The following NCMAP variants were observed in gnomAD, a reference collection of about 807,000 sequenced individuals.
NCMAP encodes noncompact myelin-associated protein.
Under a neutral mutation model 7.8 loss-of-function variants are expected in NCMAP, and 8 were observed. The observed-to-expected ratio is 1.02, with a 90% CI of 0.60 to 1.84. NCMAP has a LOEUF of 1.84. NCMAP is among the 40% of genes most tolerant of loss of function. The pLI is 0.00. For synonymous variants in NCMAP, 41 were observed against 52.9 expected, an observed-to-expected ratio of 0.78 and a Z score of 0.98; for missense variants, 112 against 131.4, an observed-to-expected ratio of 0.85 and a Z score of 0.72.
At position 24,574,108 on chromosome 1, in the gene NCMAP, T is replaced by C. The variant is rs1325670517; in HGVS notation, c.-8+17939T>C. On this transcript the variant is annotated intron_variant, in intron 1 of 3. Coordinates refer to ENST00000374392, the MANE Select transcript of NCMAP (RefSeq NM_001010980.5). ...CAGCGGCCCCCAGGTGCTTAAGCCT[T>C]CAGTCTGGGACTGAGAGGGGTTTTT... Among the ~76,000 whole-genome samples the C allele has an allele frequency of 2.1e-5, 3 of 145,890 alleles. 1 individual carries two copies. The highest frequency in any genetic ancestry group is 8.0e-5 in the African/African-American group (3 of 37,568).
intron 1 of NCMAP, among the ~76,000 whole-genome samples, chr1:24,567,773 G>A (rs1399563205): frequency 6.6e-6 from 1 of 152,114 alleles, no homozygotes; most frequent in Non-Finnish European, 1.5e-5. Flanking sequence ...GGAAGAAGTG[G>A]AGGACATTCC....
intron 1 of NCMAP, among the ~76,000 whole-genome samples, chr1:24,578,475 G>T: frequency 6.8e-6 from 1 of 147,920 alleles, no homozygotes; most frequent in Non-Finnish European, 1.5e-5. Context: ...AGTGGGGTGG[G>T]AGGGAGGGTA....
At position 24,565,943 on chromosome 1, in the gene NCMAP, T is replaced by C. The variant is rs578141599; in HGVS notation, c.-8+9774T>C. 2.0e-5 allele frequency among the ~76,000 whole-genome samples: 3 copies of C among 152,218 alleles called. No homozygotes were observed. The East Asian group carries it at 5.8e-4, about 29-fold the overall frequency. ...GGTGGTTTCCTCCATGCTGTTCTCG[T>C]GATAGAGTGAGTTCTCATGAGATCT... On this transcript the variant is annotated intron_variant, in intron 1 of 3. Coordinates refer to ENST00000374392, the MANE Select transcript of NCMAP (RefSeq NM_001010980.5).
chr1:24,558,765 G>C (rs771045476), intron 1 of NCMAP, among the ~76,000 whole-genome samples: 7 of 152,188 alleles, frequency 4.6e-5, no homozygotes, highest in African/African-American at 7.2e-5. Context: ...TCAGGGTCAC[G>C]TAGAGTTGGG....
rs112158378 is a variant in NCMAP, at chr1:24,604,559, AG to A, written c.168-1044del. On this transcript the variant is annotated intron_variant, in intron 3 of 3. Coordinates refer to ENST00000374392, the MANE Select transcript of NCMAP (RefSeq NM_001010980.5). ...CCACTGCACTTCAGCCTGGGCAACC[AG>A]GGTAAGACTGTCTAAAAAAAAAAAA... 5.7e-4 allele frequency among the ~76,000 whole-genome samples: 61 copies of A among 106,402 alleles called. 9 individuals carry two copies. Among genetic ancestry groups the A allele is most frequent in the African/African-American group, 2.6e-3 (57 of 21,572 alleles). The allele number at this position is 106,402 out of a possible 152,430, so 69.8% of individuals were successfully genotyped here.
At chr1:24,586,787 C>T (rs1651895094) in intron 1 of NCMAP, among the ~76,000 whole-genome samples, 1 of 148,172 alleles carries the variant, frequency 6.7e-6, no homozygotes, top group Non-Finnish European at 1.5e-5. Context: ...AGCACCTTCA[C>T]TTGGTGATCT....
chr1:24,563,213 G>A (rs1003820523), intron 1 of NCMAP, among the ~76,000 whole-genome samples: 3 of 152,190 alleles, frequency 2.0e-5, no homozygotes, highest in African/African-American at 4.8e-5. Context: ...CTGAAGCAAC[G>A]GTGGCCAAAA....
intron 1 of NCMAP, among the ~76,000 whole-genome samples, chr1:24,561,477 C>T (rs1651051729): frequency 1.3e-5 from 2 of 152,050 alleles, no homozygotes; most frequent in South Asian, 4.1e-4. Flanking sequence ...TTTGTGGGAC[C>T]CTAAAAGTAA....
At chr1:24,595,581 G>T in intron 2 of NCMAP, 69 bp downstream of exon 2, 2 of 1,278,112 alleles carry the variant, frequency 1.6e-6, no homozygotes, top group Non-Finnish European at 2.3e-6. Context: ...TAGTGCAGAG[G>T]TTAAGAGTGT....
intron 1 of NCMAP, among the ~76,000 whole-genome samples, chr1:24,562,731 G>A (rs1419484825): frequency 6.6e-6 from 1 of 152,202 alleles, no homozygotes; most frequent in Non-Finnish European, 1.5e-5. Context: ...ACAGGCAAGG[G>A]ATCAGGCATT....
chr1:24,593,334 G>T (rs542876657), intron 1 of NCMAP, among the ~76,000 whole-genome samples: 1 of 151,512 alleles, frequency 6.6e-6, no homozygotes, highest in African/African-American at 2.4e-5. Flanking sequence ...AAAAAAAAGA[G>T]TTTTTTTAAT....
At position 24,576,301 on chromosome 1, in the gene NCMAP, G is replaced by A. The variant is rs1208925762; in HGVS notation, c.-7-19123G>A. ...AGACAGGCGGCAGGCCAAGACGAGA[G>A]TGTAGGTTTAAATGACACCGCAGGT... On this transcript the variant is annotated intron_variant, in intron 1 of 3. Transcript: ENST00000374392. The surrounding 1 kb of genome is among the most constrained non-coding windows in gnomAD (Gnocchi z 4.0). Among the ~76,000 whole-genome samples the A allele has an allele frequency of 6.6e-6, 1 of 152,220 alleles. No homozygotes were observed. The highest frequency in any genetic ancestry group is 1.5e-5 in the Non-Finnish European group (1 of 68,044).
intron 1 of NCMAP, among the ~76,000 whole-genome samples, chr1:24,557,950 C>G (rs760082267): frequency 1.3e-5 from 2 of 152,182 alleles, no homozygotes; most frequent in Non-Finnish European, 2.9e-5. Context: ...TTCCTGGGCT[C>G]CGTAGCACCA....
At chr1:24,601,639 T>A (rs896586371) in intron 3 of NCMAP, among the ~76,000 whole-genome samples, 1 of 152,096 alleles carries the variant, frequency 6.6e-6, no homozygotes, top group African/African-American at 2.4e-5. Context: ...GGTGTGGTAG[T>A]GTGGTCTGTA....
chr1:24,557,250 A>G (rs1242811088), intron 1 of NCMAP, among the ~76,000 whole-genome samples: 1 of 152,194 alleles, frequency 6.6e-6, no homozygotes, highest in Non-Finnish European at 1.5e-5. Context: ...GCTTGGCACA[A>G]ATAGTGAATT....
intron 1 of NCMAP, among the ~76,000 whole-genome samples, chr1:24,574,850 C>T (rs376730788): frequency 2.3e-4 from 33 of 145,946 alleles, no homozygotes; most frequent in African/African-American, 6.6e-4. Context: ...GTCTGGAGTG[C>T]AATGGCATGA....
chr1:24,576,836 A>G lies in NCMAP; in HGVS notation c.-7-18588A>G, dbSNP rs1455338945. ...AGACCAAGACCTTGGGACTCAAAGA[A>G]AGGATGTTACACAGGACACAGTGGC... is the stretch of plus-strand genomic sequence containing the variant. On this transcript the variant is annotated intron_variant, in intron 1 of 3. Transcript: ENST00000374392. This position sits in a 1 kb window ranked among gnomAD's most constrained non-coding sequence, Gnocchi z 4.0. Among the ~76,000 whole-genome samples the G allele has an allele frequency of 1.3e-5, 2 of 152,054 alleles. No homozygotes were observed. The highest frequency in any genetic ancestry group is 6.6e-5 in the Admixed American group (1 of 15,258).
intron 1 of NCMAP, among the ~76,000 whole-genome samples, chr1:24,595,038 GTTGA>G (rs72089663): frequency 0.73 from 110,579 of 151,408 alleles, 40,552 homozygotes; most frequent in East Asian, 0.83. Flanking sequence ...GGAGTGGGAG[GTTGA>G]TTGACATCTT....
chr1:24,602,488 T>A (rs1652538469), intron 3 of NCMAP, among the ~76,000 whole-genome samples: 1 of 120,672 alleles, frequency 8.3e-6, no homozygotes, highest in South Asian at 2.5e-4. Context: ...GAGAATGGCG[T>A]GAACCCGGAA....
Sources: gnomAD v4.1 joint callset for allele counts (sites outside exome capture counted in the v4.1 genomes callset) on GRCh38, gnomAD v4.1.1 for gene constraint, Gnocchi (gnomAD v3.1) non-coding constraint, MANE v1.5 for transcripts, NCBI Gene and HGNC (gene_info 2026-07-23, HGNC 2026-07-21) for gene names.